TNNI3K: variants seen among roughly 807,000 people sequenced by gnomAD.
TNNI3K encodes TNNI3 interacting kinase, also known as serine/threonine-protein kinase TNNI3K.
TNNI3K carries 140 observed loss-of-function variants against 114.5 expected under a neutral mutation model. The ratio of observed to expected loss-of-function variants is 1.22; its 90% CI spans 1.07 to 1.41. The LOEUF is 1.41. Ranked by LOEUF, TNNI3K falls within the 40% of genes most tolerant of loss-of-function variation. The pLI, the probability that TNNI3K is intolerant of heterozygous loss-of-function variation, is 0.00. For missense variants in TNNI3K, 1,125 were observed against 1,007.6 expected (o/e 1.12, Z -1.58); for synonymous variants, 347 against 347.5 (o/e 1.00, Z 0.02).
At chr1:74,541,016 T>C (rs1646721018) in intron 24 of TNNI3K, among the ~76,000 whole-genome samples, 1 of 152,204 alleles carries the variant, frequency 6.6e-6, no homozygotes, top group African/African-American at 2.4e-5. Context: ...TTTACCAACC[T>C]TTAAGCCTGA....
chr1:74,247,174 C>T (rs897960089), intron 2 of TNNI3K, among the ~76,000 whole-genome samples: 8 of 152,018 alleles, frequency 5.3e-5, no homozygotes, highest in African/African-American at 1.9e-4. Flanking sequence ...GATGTTTGGA[C>T]GTGTTCCGAG....
chr1:74,267,687 A>G (rs1050974638), intron 4 of TNNI3K, among the ~76,000 whole-genome samples: 6 of 152,098 alleles, frequency 3.9e-5, no homozygotes, highest in African/African-American at 1.2e-4. Flanking sequence ...TAGCTGCATA[A>G]GATAAAAGTT....
At chr1:74,385,762 T>C (rs1269659413) in intron 17 of TNNI3K, among the ~76,000 whole-genome samples, 1 of 152,246 alleles carries the variant, frequency 6.6e-6, no homozygotes, top group Non-Finnish European at 1.5e-5. Context: ...TTTGAGACTG[T>C]GCACTTACTT....
chr1:74,511,263 G>T (rs1277409417), intron 23 of TNNI3K, among the ~76,000 whole-genome samples: 1 of 151,798 alleles, frequency 6.6e-6, no homozygotes, highest in East Asian at 1.9e-4. Context: ...TGCGATCTCG[G>T]CTCACCACAA....
chr1:74,404,382 A>G (rs1570579688), intron 17 of TNNI3K, among the ~76,000 whole-genome samples: 2 of 152,198 alleles, frequency 1.3e-5, no homozygotes, highest in Admixed American at 1.3e-4. Context: ...TTAACTTTTC[A>G]TACCCAGTTT....
intron 17 of TNNI3K, among the ~76,000 whole-genome samples, chr1:74,416,063 G>C (rs1438705664): frequency 3.3e-5 from 5 of 152,126 alleles, no homozygotes; most frequent in African/African-American, 1.2e-4. Flanking sequence ...CAAAATTTCA[G>C]TTCTGAGATC....
intron 23 of TNNI3K, among the ~76,000 whole-genome samples, chr1:74,535,482 CAAA>C (rs902041593): frequency 4.6e-5 from 7 of 151,846 alleles, no homozygotes; most frequent in African/African-American, 1.4e-4. Flanking sequence ...ATCAAACAAA[CAAA>C]AAAAGAATCA....
At chr1:74,347,074 T>A (rs1273993717) in intron 9 of TNNI3K, among the ~76,000 whole-genome samples, 1 of 151,996 alleles carries the variant, frequency 6.6e-6, no homozygotes, top group Non-Finnish European at 1.5e-5. Context: ...TATGTATACA[T>A]GTGCCATGTT....
At chr1:74,382,039 A>G (rs1225458903) in intron 17 of TNNI3K, among the ~76,000 whole-genome samples, 1 of 152,206 alleles carries the variant, frequency 6.6e-6, no homozygotes, top group Non-Finnish European at 1.5e-5. Flanking sequence ...GCACTCAGCG[A>G]CTCAACTCAG....
rs531668933 is a variant in TNNI3K at position 74,473,225 on chromosome 1, T to A, written c.2121+9675T>A. ...ACGTGATCCATTGGACAGATCCTAC[T>A]GTCTTATAACTTTTACAGATGAAGG... On this transcript the variant is annotated intron_variant, in intron 21 of 24. Transcript: ENST00000326637. Among the ~76,000 whole-genome samples, 5 of 152,306 alleles carry A rather than the reference T, an allele frequency of 3.3e-5. No homozygotes were observed. In the South Asian group the frequency reaches 1.0e-3, roughly 32 times the overall value.
At chr1:74,519,257 C>G (rs1296753374) in intron 23 of TNNI3K, among the ~76,000 whole-genome samples, 1 of 85,524 alleles carries the variant, frequency 1.2e-5, no homozygotes, top group African/African-American at 5.7e-5. Context: ...GTATATGTGC[C>G]ACATTTTCTT....
At chr1:74,397,700 T>A (rs74093522) in intron 17 of TNNI3K, among the ~76,000 whole-genome samples, 4,718 of 152,264 alleles carry the variant, frequency 0.031, 235 homozygotes, top group African/African-American at 0.11. Flanking sequence ...GAAACTCCAC[T>A]ACATGATGGG....
chr1:74,479,316 A>G (rs1435681249), intron 21 of TNNI3K, among the ~76,000 whole-genome samples: 2 of 152,196 alleles, frequency 1.3e-5, no homozygotes, highest in Non-Finnish European at 2.9e-5. Context: ...ATTTTATATT[A>G]TTCATCCAGT....
intron 20 of TNNI3K, among the ~76,000 whole-genome samples, chr1:74,452,524 C>T (rs1667070898): frequency 6.6e-6 from 1 of 152,006 alleles, no homozygotes; most frequent in Non-Finnish European, 1.5e-5. Context: ...GAAATCCATC[C>T]AGTTATCTCC....
chr1:74,503,421 G>C (rs1669734540), intron 23 of TNNI3K, among the ~76,000 whole-genome samples: 1 of 152,124 alleles, frequency 6.6e-6, no homozygotes. Context: ...GTGCTTATTG[G>C]AACATTATAT....
chr1:74,453,228 C>A (rs1307649661), intron 20 of TNNI3K, among the ~76,000 whole-genome samples: 1 of 152,056 alleles, frequency 6.6e-6, no homozygotes, highest in Non-Finnish European at 1.5e-5. Flanking sequence ...GAAAGTCTTG[C>A]CTAAGAGTAT....
At chr1:74,464,623 C>A (rs1462334240) in intron 21 of TNNI3K, 4 of 1,563,934 alleles carry the variant, frequency 2.6e-6, no homozygotes, top group Admixed American at 1.9e-5. Flanking sequence ...ATTTTCCATT[C>A]TTTTCCTAAA....
At chr1:74,475,236 G>C (rs776793318) in intron 21 of TNNI3K, 5 of 611,172 alleles carry the variant, frequency 8.2e-6, no homozygotes, top group Non-Finnish European at 1.5e-5. Context: ...AAGGAGGGAG[G>C]CTCCCTCCTT....
chr1:74,408,301 A>G (rs1327213744), intron 17 of TNNI3K, among the ~76,000 whole-genome samples: 2 of 152,180 alleles, frequency 1.3e-5, no homozygotes, highest in Non-Finnish European at 2.9e-5. Context: ...ACTGAAACTC[A>G]TTTACATATA....
Sources: gnomAD v4.1 joint callset for allele counts (sites outside exome capture counted in the v4.1 genomes callset) on GRCh38, gnomAD v4.1.1 for gene constraint, MANE v1.5 for transcripts, NCBI Gene and HGNC (gene_info 2026-07-23, HGNC 2026-07-21) for gene names.